Variants in ZNF385D observed in about 807,000 individuals in gnomAD.
ZNF385D encodes the protein zinc finger protein 385D.
Under a neutral mutation model 35.8 loss-of-function variants are expected in ZNF385D, and 15 were observed. That is an observed-to-expected ratio of 0.42 (90% CI 0.28 to 0.64). The LOEUF is 0.64. Among genes scored for constraint, ZNF385D ranks in the 30% least tolerant of loss-of-function variants. The pLI, the probability that ZNF385D is intolerant of heterozygous loss-of-function variation, is 0.23. For synonymous variants in ZNF385D, 212 were observed against 186.8 expected, an observed-to-expected ratio of 1.13 and a Z score of -1.10; for missense variants, 474 against 494.6, an observed-to-expected ratio of 0.96 and a Z score of 0.39.
chr3:21,706,952 C>A (rs1015112982), intron 1 of ZNF385D, among the ~76,000 whole-genome samples: 3 of 152,152 alleles, frequency 2.0e-5, no homozygotes, highest in African/African-American at 4.8e-5. Context: ...CTGCCTCAGC[C>A]TTCATCCCTC....
At chr3:22,105,522 C>T (rs1186876973) in intron 3 of ZNF385D, among the ~76,000 whole-genome samples, 2 of 152,110 alleles carry the variant, frequency 1.3e-5, no homozygotes, top group African/African-American at 2.4e-5. Flanking sequence ...AGTCTGCTGT[C>T]TGCAAGCTGG....
intron 4 of ZNF385D, among the ~76,000 whole-genome samples, chr3:21,456,988 T>C (rs954275130): frequency 6.6e-6 from 1 of 152,150 alleles, no homozygotes; most frequent in South Asian, 2.1e-4. Context: ...ATGTAATATA[T>C]AACAATATAA....
At chr3:21,588,328 T>C (rs748621361) in intron 2 of ZNF385D, among the ~76,000 whole-genome samples, 24 of 152,166 alleles carry the variant, frequency 1.6e-4, no homozygotes, top group Non-Finnish European at 3.2e-4. Context: ...GACTTTCATC[T>C]CATAGCTAAA....
intron 3 of ZNF385D, among the ~76,000 whole-genome samples, chr3:22,026,677 C>A (rs259428): frequency 2.0e-5 from 3 of 151,972 alleles, no homozygotes; most frequent in African/African-American, 7.3e-5. Context: ...ACTTCCTGAG[C>A]GGTAGAGTGA....
intron 3 of ZNF385D, among the ~76,000 whole-genome samples, chr3:22,019,475 A>G (rs1373576914): frequency 6.6e-6 from 1 of 152,000 alleles, no homozygotes; most frequent in African/African-American, 2.4e-5. Flanking sequence ...TGAATTCAGT[A>G]AAGATACTAA....
chr3:21,693,240 G>C (rs939100209), intron 1 of ZNF385D, among the ~76,000 whole-genome samples: 4 of 152,134 alleles, frequency 2.6e-5, no homozygotes, highest in Admixed American at 1.3e-4. Flanking sequence ...AAGGGAAATG[G>C]GAGCTGGTGG....
intron 3 of ZNF385D, among the ~76,000 whole-genome samples, chr3:21,783,782 G>T (rs1013005340): frequency 1.6e-4 from 25 of 152,134 alleles, no homozygotes; most frequent in Non-Finnish European, 1.0e-4. Flanking sequence ...TTCAGGCAAA[G>T]TCAACTGATT....
At chr3:22,074,092 C>T (rs1700354342) in intron 3 of ZNF385D, among the ~76,000 whole-genome samples, 1 of 151,860 alleles carries the variant, frequency 6.6e-6, no homozygotes, top group Admixed American at 6.6e-5. Context: ...TTAATATTTT[C>T]CCAGGATACT....
chr3:21,788,244 C>A (rs925128165), intron 3 of ZNF385D, among the ~76,000 whole-genome samples: 6 of 152,152 alleles, frequency 3.9e-5, no homozygotes, highest in Non-Finnish European at 8.8e-5. Context: ...TTCGGGAGGC[C>A]GAGGTGAGTG....
At chr3:22,115,295 T>C (rs1188349462) in intron 3 of ZNF385D, among the ~76,000 whole-genome samples, 1 of 152,088 alleles carries the variant, frequency 6.6e-6, no homozygotes, top group Non-Finnish European at 1.5e-5. Flanking sequence ...AGACTTTGCC[T>C]TTGTGAAGTT....
chr3:21,747,844 G>A (rs2069853045), intron 1 of ZNF385D, among the ~76,000 whole-genome samples: 1 of 152,152 alleles, frequency 6.6e-6, no homozygotes, highest in Non-Finnish European at 1.5e-5. Flanking sequence ...TTTATTTCTG[G>A]ATAAATTATT....
chr3:21,457,026 C>G (rs111573726), intron 4 of ZNF385D, among the ~76,000 whole-genome samples: 39 of 152,248 alleles, frequency 2.6e-4, no homozygotes, highest in African/African-American at 8.4e-4. Context: ...TGACCCTCTA[C>G]TGGAATGTAA....
At chr3:21,608,530 C>G (rs2064565690) in intron 2 of ZNF385D, among the ~76,000 whole-genome samples, 1 of 152,166 alleles carries the variant, frequency 6.6e-6, no homozygotes, top group South Asian at 2.1e-4. Flanking sequence ...TCTGCTTCTA[C>G]TTCCTCTGCT....
intron 3 of ZNF385D, among the ~76,000 whole-genome samples, chr3:21,888,480 G>C (rs1362938674): frequency 5.9e-5 from 9 of 152,098 alleles, no homozygotes; most frequent in Non-Finnish European, 1.2e-4. Flanking sequence ...GGTTCCTAGA[G>C]TTTCATAAGT....
In ZNF385D at chr3:22,101,201, T is replaced by C. The variant is rs190623491; in HGVS notation, c.325+67616A>G. On this transcript the variant is annotated intron_variant, in intron 3 of 5. Transcript: ENST00000494108. Reference sequence around the variant, plus strand: ...TAGTATTCAAGACAGATTTAAGAGATAAAAAGCACCAAAATTTCTCACAAA... The same window carrying C: ...TAGTATTCAAGACAGATTTAAGAGACAAAAAGCACCAAAATTTCTCACAAA... Among the ~76,000 whole-genome samples, 55 of 152,116 alleles carry C rather than the reference T, an allele frequency of 3.6e-4. No homozygotes were observed. The East Asian group carries it at 9.8e-3, about 27-fold the overall frequency.
rs571192818 is a variant in ZNF385D, at chr3:22,278,013, C to T, written c.106+94437G>A. 1.5e-4 allele frequency among the ~76,000 whole-genome samples: 23 copies of T among 152,142 alleles called. 1 individual carries two copies. The highest frequency in any genetic ancestry group is 1.2e-3 in the Admixed American group (18 of 15,270). On this transcript the variant is annotated intron_variant, in intron 2 of 5. Transcript: ENST00000494108. ...GATTTCTCCTACTTTCAGTGCTCTCCCTTGCGCTCCCCAACACTGTGTATC... is the reference window on the plus strand; with the variant it reads ...GATTTCTCCTACTTTCAGTGCTCTCTCTTGCGCTCCCCAACACTGTGTATC...
intron 3 of ZNF385D, among the ~76,000 whole-genome samples, chr3:21,973,122 G>C (rs1374267486): frequency 6.6e-6 from 1 of 151,638 alleles, no homozygotes; most frequent in Non-Finnish European, 1.5e-5. Context: ...AAAAAAGAAA[G>C]TAACAGGTCA....
At position 22,222,879 on chromosome 3, in the gene ZNF385D, C is replaced by T. The variant is rs555060685; in HGVS notation, c.107-53844G>A. Among the ~76,000 whole-genome samples the T allele has an allele frequency of 7.2e-5, 11 of 152,090 alleles. 1 individual carries two copies. The South Asian group carries it at 2.1e-3, about 29-fold the overall frequency. Reference sequence around the variant, plus strand: ...TTTTTAAATAATAAAAATCTTGAAACTCGAAAGGCCTTTTTTGCTGTTAGT... The same window carrying T: ...TTTTTAAATAATAAAAATCTTGAAATTCGAAAGGCCTTTTTTGCTGTTAGT... On this transcript the variant is annotated intron_variant, in intron 2 of 5. Coordinates refer to the ZNF385D transcript ENST00000494108.
At chr3:21,624,867 C>T (rs2065093624) in intron 2 of ZNF385D, among the ~76,000 whole-genome samples, 1 of 152,060 alleles carries the variant, frequency 6.6e-6, no homozygotes, top group Non-Finnish European at 1.5e-5. Context: ...CATTAAAGAA[C>T]AGAGGTAAAA....
Sources: gnomAD v4.1 joint callset for allele counts (sites outside exome capture counted in the v4.1 genomes callset) on GRCh38, gnomAD v4.1.1 for gene constraint, MANE v1.5 for transcripts, NCBI Gene and HGNC (gene_info 2026-07-23, HGNC 2026-07-21) for gene names.